The following VWA3B variants were observed in gnomAD, a reference collection of about 807,000 sequenced individuals.
The protein encoded by VWA3B is von Willebrand factor A domain containing 3B, also known as von Willebrand factor A domain-containing protein 3B.
VWA3B carries 138 observed loss-of-function variants against 158.3 expected under a neutral mutation model. The observed-to-expected ratio is 0.87, with a 90% CI of 0.76 to 1.00. VWA3B has a LOEUF of 1.00. VWA3B is among the 50% of genes least tolerant of loss of function. The pLI is 0.00. For missense variants in VWA3B, 1,555 were observed against 1,565.1 expected, an observed-to-expected ratio of 0.99 and a Z score of 0.11; for synonymous variants, 596 against 587.3, an observed-to-expected ratio of 1.01 and a Z score of -0.21.
chr2:98,091,529 A>G (rs577401330), intron 1 of VWA3B, among the ~76,000 whole-genome samples: 3 of 152,230 alleles, frequency 2.0e-5, no homozygotes, highest in Admixed American at 6.5e-5. Context: ...AAGTTAATTA[A>G]CCCCTCTCTG....
chr2:98,297,765 T>G, intron 23 of VWA3B, 142 bp from the exon 24 acceptor site: 1 of 1,124,130 alleles, frequency 8.9e-7, no homozygotes, highest in Non-Finnish European at 1.2e-6. Flanking sequence ...GTGCCCAAGA[T>G]TATCTGCTGG....
intron 12 of VWA3B, 85 bp downstream of exon 12, chr2:98,194,577 G>A (rs1324046155): frequency 2.6e-6 from 4 of 1,521,950 alleles, no homozygotes; most frequent in Non-Finnish European, 3.6e-6. Context: ...ACATTCCTGA[G>A]AGGTGTTTTG....
intron 7 of VWA3B, among the ~76,000 whole-genome samples, chr2:98,152,153 C>G (rs1243920000): frequency 6.6e-6 from 1 of 152,218 alleles, no homozygotes; most frequent in Non-Finnish European, 1.5e-5. Flanking sequence ...GCCTGTCCTT[C>G]CTCTACCACA....
chr2:98,195,390 T>G (rs1186254636), intron 12 of VWA3B, among the ~76,000 whole-genome samples: 2 of 152,192 alleles, frequency 1.3e-5, no homozygotes, highest in Non-Finnish European at 2.9e-5. Context: ...AGCAGATCAT[T>G]GAGATGCACC....
intron 22 of VWA3B, among the ~76,000 whole-genome samples, chr2:98,278,454 T>G (rs1232815354): frequency 6.6e-6 from 1 of 152,180 alleles, no homozygotes; most frequent in Admixed American, 6.5e-5. Context: ...TAGCTCTTGT[T>G]CAGCATGCAG....
chr2:98,260,208 T>C (rs544894433), intron 21 of VWA3B, among the ~76,000 whole-genome samples: 14 of 151,640 alleles, frequency 9.2e-5, no homozygotes, highest in African/African-American at 3.4e-4. Flanking sequence ...CTGGATGGGG[T>C]GTTTTGGATA....
intron 4 of VWA3B, 121 bp from the exon 5 acceptor site, chr2:98,121,178 T>C: frequency 7.9e-7 from 1 of 1,270,300 alleles, no homozygotes; most frequent in Non-Finnish European, 1.1e-6. Context: ...CTATGATTTC[T>C]TTCTTTTTCA....
chr2:98,228,506 CAATTT>C (rs1487860361), intron 15 of VWA3B, among the ~76,000 whole-genome samples, 174 bp downstream of exon 15: 1 of 152,084 alleles, frequency 6.6e-6, no homozygotes, highest in Non-Finnish European at 1.5e-5. Context: ...AATTTAATAA[CAATTT>C]AATTTAATTG....
At chr2:98,317,548 ACTTTGGT>A (rs1399210405), downstream of VWA3B, among the ~76,000 whole-genome samples, 1 of 152,180 alleles carries the variant, frequency 6.6e-6, no homozygotes, top group African/African-American at 2.4e-5. Context: ...GCATGATAAA[ACTTTGGT>A]CTCAACAACC....
Position 98,206,078 on chromosome 2 carries a change from G to A in VWA3B, c.1738-5852G>A, listed in dbSNP as rs528159525. ...TGTTCAATTCCTCTCCGTCCTTGCT[G>A]ATTGGTTAGTTGTTCTGTCAATCAT... On this transcript the variant is annotated intron_variant, in intron 12 of 27. Coordinates refer to ENST00000477737, the MANE Select transcript of VWA3B (RefSeq NM_144992.5). 4 of 152,344 alleles carry A rather than the reference G, an allele frequency of 2.6e-5. No individual in the cohort carries two copies. In the South Asian group the frequency reaches 8.3e-4, roughly 32 times the overall value. The allele number at this position is 152,344 out of a possible 1,614,324, so 9.4% of individuals were successfully genotyped here.
chr2:98,145,023 C>T lies in VWA3B; in HGVS notation c.988+11084C>T, dbSNP rs1267819012. On this transcript the variant is annotated intron_variant, in intron 7 of 27. Coordinates refer to ENST00000477737, the MANE Select transcript of VWA3B (RefSeq NM_144992.5). ...CTGCTGAGGAGAAATCTGAGGCCAG[C>T]TCGATTAGTTTTTCTTTTGTGAGTG... is the stretch of plus-strand genomic sequence containing the variant. 4.6e-5 allele frequency among the ~76,000 whole-genome samples: 7 copies of T among 152,302 alleles called. No individual in the cohort carries two copies. In the East Asian group the frequency reaches 1.2e-3, roughly 25 times the overall value.
At chr2:98,314,854 C>G (rs1029204214), downstream of VWA3B, among the ~76,000 whole-genome samples, 4 of 152,068 alleles carry the variant, frequency 2.6e-5, no homozygotes, top group African/African-American at 7.2e-5. Context: ...GAAACCCTGT[C>G]TCTACTAAAA....
chr2:98,213,993 C>A (rs1306934405), intron 13 of VWA3B, among the ~76,000 whole-genome samples: 1 of 151,952 alleles, frequency 6.6e-6, no homozygotes, highest in African/African-American at 2.4e-5. Flanking sequence ...GAGTTCAAGA[C>A]CAGCCTGGAC....
Position 98,282,432 on chromosome 2 carries a change from CT to C in VWA3B, c.3046-8056del, listed in dbSNP as rs759230723. On this transcript the variant is annotated intron_variant, in intron 22 of 27. Coordinates refer to ENST00000477737, the MANE Select transcript of VWA3B (RefSeq NM_144992.5). ...AACAAAGCAGAGTAAACATGAATTACTTTTTTTTTTTTTTTTTTTTTTTGAG... is the reference window on the plus strand; with the variant it reads ...AACAAAGCAGAGTAAACATGAATTACTTTTTTTTTTTTTTTTTTTTTTGAG... Among the ~76,000 whole-genome samples the C allele has an allele frequency of 2.2e-3, 277 of 124,894 alleles. 1 individual carries two copies. The highest frequency in any genetic ancestry group is 5.6e-3 in the South Asian group (21 of 3,770). 81.9% of individuals were successfully genotyped at this position (124,894 alleles called of 152,430 possible). A position where few individuals can be genotyped will look rare whatever the true frequency, so the allele number is the denominator to read the frequency against.
chr2:98,220,878 C>T (rs1349881394), intron 14 of VWA3B, among the ~76,000 whole-genome samples: 2 of 152,088 alleles, frequency 1.3e-5, no homozygotes, highest in Non-Finnish European at 2.9e-5. Flanking sequence ...GAACAGAAAA[C>T]CACACACCGC....
intron 6 of VWA3B, among the ~76,000 whole-genome samples, chr2:98,133,309 G>A (rs1475404496): frequency 3.9e-5 from 6 of 152,112 alleles, no homozygotes; most frequent in African/African-American, 1.2e-4. Context: ...CTTCTCATTC[G>A]TGCTTAAGCC....
chr2:98,148,614 A>C (rs1248975290), intron 7 of VWA3B, among the ~76,000 whole-genome samples: 1 of 152,204 alleles, frequency 6.6e-6, no homozygotes, highest in East Asian at 1.9e-4. Context: ...TGAGTTTAAA[A>C]CAAAAGCAAA....
chr2:98,324,410 A>G, the VWA3B span, among the ~76,000 whole-genome samples: 6 of 152,204 alleles, frequency 3.9e-5, no homozygotes, highest in Non-Finnish European at 7.4e-5. Context: ...TGATCCACCC[A>G]TGTCAGCTTC....
chr2:98,128,517 C>T, intron 6 of VWA3B, 109 bp downstream of exon 6: 1 of 1,089,450 alleles, frequency 9.2e-7, no homozygotes, highest in Non-Finnish European at 1.3e-6. Context: ...TTGCTGTGTT[C>T]TCCTCTTTCC....
Sources: allele counts gnomAD v4.1 joint callset (sites outside exome capture counted in the v4.1 genomes callset), GRCh38; gene constraint gnomAD v4.1.1; transcripts MANE v1.5; gene names NCBI Gene and HGNC (gene_info 2026-07-23, HGNC 2026-07-21).